UCK2: variants seen among roughly 807,000 people sequenced by gnomAD.
UCK2 encodes uridine-cytidine kinase 2.
A neutral mutation model predicts 30.8 loss-of-function variants in UCK2; 6 were observed. That is an observed-to-expected ratio of 0.19 (90% CI 0.11 to 0.38). The LOEUF (loss-of-function observed/expected upper bound fraction) is 0.38. UCK2 is among the 10% of genes least tolerant of loss of function. UCK2 has a pLI of 1.00. For synonymous variants in UCK2, 125 were observed against 133.6 expected, an observed-to-expected ratio of 0.94 and a Z score of 0.45; for missense variants, 210 against 339.8, an observed-to-expected ratio of 0.62 and a Z score of 3.00.
chr1:165,858,448 A>T (rs575820235), intron 1 of UCK2, among the ~76,000 whole-genome samples: 1 of 152,286 alleles, frequency 6.6e-6, no homozygotes, highest in East Asian at 1.9e-4. Context: ...TGCCTACATT[A>T]GCTCGATTTG....
chr1:165,907,652 C>T (rs765866224), intron 6 of UCK2, 32 bp from the exon 7 acceptor site: 3 of 1,611,160 alleles, frequency 1.9e-6, no homozygotes, highest in South Asian at 1.1e-5. Flanking sequence ...CATGCCTGCA[C>T]CCGTAACGCT....
At chr1:165,867,579 G>A (rs1438959944) in intron 1 of UCK2, among the ~76,000 whole-genome samples, 1 of 152,182 alleles carries the variant, frequency 6.6e-6, no homozygotes, top group Non-Finnish European at 1.5e-5. Context: ...AGCATTTTCA[G>A]CATTAGATTC....
rs777822007 is a variant in UCK2 at position 165,890,383 on chromosome 1, G to A, written c.259+20G>A. The A allele has an allele frequency of 6.2e-7, 1 of 1,611,368 alleles. No homozygotes were observed. Among genetic ancestry groups the A allele is most frequent in the African/African-American group, 1.3e-5 (1 of 74,626 alleles). On this transcript the variant is annotated intron_variant, in intron 2 of 6. Coordinates refer to ENST00000367879, the MANE Select transcript of UCK2 (RefSeq NM_012474.5). ...ACCCGGGTGAGTCGGGCATTGAAGGGGGTATGTATCTGTATTGGTGTGTTG... is the reference window on the plus strand; with the variant it reads ...ACCCGGGTGAGTCGGGCATTGAAGGAGGTATGTATCTGTATTGGTGTGTTG...
At chr1:165,880,162 C>T (rs987458385) in intron 1 of UCK2, among the ~76,000 whole-genome samples, 1 of 152,234 alleles carries the variant, frequency 6.6e-6, no homozygotes, top group East Asian at 1.9e-4. Context: ...ATCCAACTGG[C>T]ACATTGTGCT....
chr1:165,844,452 A>G lies in UCK2; in HGVS notation c.99+16520A>G, dbSNP rs575182635. On this transcript the variant is annotated intron_variant, in intron 1 of 6. Coordinates refer to ENST00000367879, the MANE Select transcript of UCK2 (RefSeq NM_012474.5). ...GGGCACTAGGAGAACCTCTTGTTCT[A>G]ATATGTTCCTGACACAGAGCACCCT... Among the ~76,000 whole-genome samples the G allele has an allele frequency of 3.9e-5, 6 of 152,290 alleles. No individual in the cohort carries two copies. In the South Asian group the frequency reaches 1.0e-3, roughly 26 times the overall value.
At chr1:165,878,675 A>G (rs1378893489) in intron 1 of UCK2, among the ~76,000 whole-genome samples, 1 of 152,168 alleles carries the variant, frequency 6.6e-6, no homozygotes, top group African/African-American at 2.4e-5. Context: ...ACTGAATCAC[A>G]TTCCATTGTC....
intron 2 of UCK2, 43 bp downstream of exon 2, chr1:165,890,406 T>G: frequency 6.3e-7 from 1 of 1,589,020 alleles, no homozygotes; most frequent in Non-Finnish European, 8.6e-7. Flanking sequence ...TATTGGTGTG[T>G]TGGGGGGAAT....
chr1:165,850,294 C>A (rs891416716), intron 1 of UCK2, among the ~76,000 whole-genome samples: 2 of 151,946 alleles, frequency 1.3e-5, no homozygotes, highest in African/African-American at 4.8e-5. Flanking sequence ...CCACGCCCGG[C>A]TAATTTTGTA....
chr1:165,905,345 G>A (rs1647613997), intron 5 of UCK2, among the ~76,000 whole-genome samples: 1 of 152,130 alleles, frequency 6.6e-6, no homozygotes, highest in Non-Finnish European at 1.5e-5. Flanking sequence ...TTAGCTGGGT[G>A]TGGTGGCGGG....
At chr1:165,856,882 C>T (rs1033268610) in intron 1 of UCK2, among the ~76,000 whole-genome samples, 3 of 149,920 alleles carry the variant, frequency 2.0e-5, no homozygotes, top group African/African-American at 7.4e-5. Context: ...TAAATATGGC[C>T]CTCATAGGCG....
intron 1 of UCK2, chr1:165,885,145 T>C (rs1383288096): frequency 5.4e-6 from 2 of 369,470 alleles, no homozygotes; most frequent in East Asian, 3.8e-5. Context: ...TTTCCAGAGG[T>C]AAAGTACATT....
intron 1 of UCK2, among the ~76,000 whole-genome samples, chr1:165,857,217 C>G (rs1028670527): frequency 2.0e-5 from 3 of 152,144 alleles, no homozygotes; most frequent in African/African-American, 7.2e-5. Context: ...AGTGGCACAT[C>G]CAGTACTTGA....
At position 165,868,745 on chromosome 1, in the gene UCK2, G is replaced by A. The variant is rs114496136; in HGVS notation, c.100-21459G>A. ...ATTCTATCCAGACCAAACTTTCTTC[G>A]TATCAGTAATAAGGCTGTTTTGCTT... is the stretch of plus-strand genomic sequence containing the variant. On this transcript the variant is annotated intron_variant, in intron 1 of 6. Coordinates refer to ENST00000367879, the MANE Select transcript of UCK2 (RefSeq NM_012474.5). 4.5e-3 allele frequency among the ~76,000 whole-genome samples: 692 copies of A among 152,258 alleles called. 7 individuals are homozygous for A. The highest frequency in any genetic ancestry group is 0.016 in the African/African-American group (658 of 41,558).
chr1:165,905,143 C>G (rs1647607574), intron 5 of UCK2, among the ~76,000 whole-genome samples: 1 of 152,168 alleles, frequency 6.6e-6, no homozygotes, highest in South Asian at 2.1e-4. Context: ...CTTCAAAGAC[C>G]ATGTTCTCTG....
chr1:165,861,659 AC>A (rs57755482), intron 1 of UCK2, among the ~76,000 whole-genome samples: 2,258 of 46,166 alleles, frequency 0.049, 83 homozygotes, highest in African/African-American at 0.068. Flanking sequence ...ACAAAAAAAA[AC>A]AACAGTAAAA....
intron 1 of UCK2, among the ~76,000 whole-genome samples, chr1:165,851,352 T>C (rs1407809505): frequency 6.6e-6 from 1 of 152,248 alleles, no homozygotes; most frequent in Non-Finnish European, 1.5e-5. Context: ...TGAACATTTA[T>C]TTGGAAGCCC....
chr1:165,901,323 G>C (rs893571744), intron 4 of UCK2, among the ~76,000 whole-genome samples: 4 of 152,318 alleles, frequency 2.6e-5, no homozygotes, highest in African/African-American at 9.6e-5. Context: ...AGCATCATTA[G>C]TGCCCAGCTT....
rs547120623 is a variant in UCK2, at chr1:165,899,084, C to A, written c.499+2752C>A. 4.6e-5 allele frequency among the ~76,000 whole-genome samples: 7 copies of A among 152,242 alleles called. No individual in the cohort carries two copies. In the East Asian group the frequency reaches 1.4e-3, roughly 29 times the overall value. ...CAGCTGTTGAGTGAGCTTGAACATT[C>A]CTGGAGACTTGAGTTAGCTCCATGA... On this transcript the variant is annotated intron_variant, in intron 4 of 6. Transcript: ENST00000367879.
intron 1 of UCK2, among the ~76,000 whole-genome samples, chr1:165,877,615 A>C (rs1268847993): frequency 6.6e-6 from 1 of 152,240 alleles, no homozygotes; most frequent in Non-Finnish European, 1.5e-5. Context: ...TTTATTGCTG[A>C]GTAATAGTCC....
Sources: gnomAD v4.1 joint callset for allele counts (sites outside exome capture counted in the v4.1 genomes callset) on GRCh38, gnomAD v4.1.1 for gene constraint, MANE v1.5 for transcripts, NCBI Gene and HGNC (gene_info 2026-07-23, HGNC 2026-07-21) for gene names.